The following ENOX1 variants were observed in gnomAD, a reference collection of about 807,000 sequenced individuals.
ENOX1 encodes the protein candidate growth-related and time keeping constitutive hydroquinone (NADH) oxidase.
ENOX1 carries 42 observed loss-of-function variants against 82.5 expected under a neutral mutation model. That is an observed-to-expected ratio of 0.51 (90% confidence interval 0.40 to 0.66). The LOEUF (loss-of-function observed/expected upper bound fraction) is 0.66. Ranked by LOEUF, ENOX1 falls within the 30% of genes least tolerant of loss-of-function variation. The probability of loss-of-function intolerance (pLI) is 0.00; values close to 1 mark genes in which losing one functional copy is unlikely to be tolerated. For missense variants in ENOX1, 608 were observed against 811.6 expected (o/e 0.75, Z 3.05); for synonymous variants, 271 against 282.2 (o/e 0.96, Z 0.40).
At chr13:43,293,346 C>T (rs2046112460) in intron 12 of ENOX1, among the ~76,000 whole-genome samples, 3 of 152,090 alleles carry the variant, frequency 2.0e-5, no homozygotes, top group Admixed American at 2.0e-4. Flanking sequence ...CCATAGTTAC[C>T]TTCACAAGCA....
chr13:43,341,888 C>A (rs996867260), intron 9 of ENOX1, among the ~76,000 whole-genome samples: 1 of 152,224 alleles, frequency 6.6e-6, no homozygotes, highest in Non-Finnish European at 1.5e-5. Flanking sequence ...ATGAAACCTA[C>A]ATGGAAGTTG....
intron 1 of ENOX1, among the ~76,000 whole-genome samples, chr13:43,784,507 C>T (rs556987322): frequency 4.6e-5 from 7 of 152,296 alleles, no homozygotes; most frequent in Admixed American, 3.3e-4. Context: ...TCATGTAATA[C>T]GTTTAATATG....
At position 43,344,542 on chromosome 13, in the gene ENOX1, A is replaced by T; in HGVS notation, c.1032T>A (p.Thr344=). Residue 344 remains threonine (T), a synonymous_variant, in exon 9 of 17, where the codon ACT becomes ACA. Coordinates refer to ENST00000690772, the MANE Select transcript of ENOX1 (RefSeq NM_001347969.2). ...GGCCCCCAAAATTTTACTTACATTG[A>T]GTGAGAATCCCAGTTAAGGCATTTT... ...NFKNALTGIL[T]QFEQIVAVFN... is the part of the protein sequence containing the mutation. 2.5e-6 allele frequency: 4 copies of T among 1,613,324 alleles called. No homozygotes were observed. Among genetic ancestry groups the T allele is most frequent in the Non-Finnish European group, 3.4e-6 (4 of 1,179,506 alleles).
intron 5 of ENOX1, among the ~76,000 whole-genome samples, chr13:43,410,875 T>C (rs900470749): frequency 3.3e-5 from 5 of 152,196 alleles, no homozygotes; most frequent in African/African-American, 1.2e-4. Context: ...ACTGTAACAA[T>C]GACTACTGCA....
chr13:43,301,840 C>T lies in ENOX1; in HGVS notation c.1262-3310G>A, dbSNP rs567196706. On this transcript the variant is annotated intron_variant, in intron 11 of 16. Transcript: ENST00000690772. Reference sequence around the variant, plus strand: ...CCCTGAATCTATTCCTCAGACAAGGCTGCCTGGAAGAGGCTATATTATGTT... The same window carrying T: ...CCCTGAATCTATTCCTCAGACAAGGTTGCCTGGAAGAGGCTATATTATGTT... 2.2e-4 allele frequency among the ~76,000 whole-genome samples: 33 copies of T among 152,192 alleles called. No homozygotes were observed. In the South Asian group the frequency reaches 6.4e-3, roughly 30 times the overall value.
At chr13:43,388,095 C>T (rs1233940026) in intron 5 of ENOX1, among the ~76,000 whole-genome samples, 2 of 152,062 alleles carry the variant, frequency 1.3e-5, no homozygotes, top group East Asian at 3.9e-4. Context: ...TTGGAAAATG[C>T]TAACGTTAGA....
At chr13:43,506,585 C>G (rs112526904) in intron 2 of ENOX1, among the ~76,000 whole-genome samples, 1 of 131,762 alleles carries the variant, frequency 7.6e-6, no homozygotes, top group African/African-American at 2.7e-5. Context: ...TGGAACCAAC[C>G]CAAATGTCCA....
chr13:43,416,121 C>A (rs2054499925), intron 3 of ENOX1, among the ~76,000 whole-genome samples: 1 of 141,874 alleles, frequency 7.0e-6, no homozygotes. Flanking sequence ...CCCCACTTCC[C>A]AGACGGGGTG....
chr13:43,346,741 C>T (rs1346786878), intron 8 of ENOX1, among the ~76,000 whole-genome samples: 1 of 152,214 alleles, frequency 6.6e-6, no homozygotes, highest in Non-Finnish European at 1.5e-5. Context: ...GTGAGAGGCC[C>T]ACTGCAACCG....
intron 5 of ENOX1, among the ~76,000 whole-genome samples, chr13:43,407,077 C>A (rs1051467610): frequency 2.0e-5 from 3 of 152,156 alleles, no homozygotes; most frequent in Admixed American, 6.5e-5. Flanking sequence ...ATGATTATAA[C>A]TTTGGAAAAG....
At chr13:43,393,871 C>T (rs901727158) in intron 5 of ENOX1, among the ~76,000 whole-genome samples, 12 of 152,144 alleles carry the variant, frequency 7.9e-5, no homozygotes, top group African/African-American at 2.9e-4. Flanking sequence ...GTGTTTGGGT[C>T]ATGGGAGTTG....
rs186158815 is a variant in ENOX1, at chr13:43,662,522, T to C, written c.-219+4957A>G. Among the ~76,000 whole-genome samples, 541 of 152,308 alleles carry C rather than the reference T, an allele frequency of 3.6e-3. 4 individuals carry two copies. The highest frequency in any genetic ancestry group is 0.012 in the African/African-American group (484 of 41,568). On this transcript the variant is annotated intron_variant, in intron 2 of 16. Transcript: ENST00000690772. ...GTTTAACTGATTTTCAAACTGCATC[T>C]CTTTTCTGTACATATTTCTGACTTT...
At chr13:43,325,116 T>A (rs80063877) in intron 10 of ENOX1, among the ~76,000 whole-genome samples, 2 of 152,174 alleles carry the variant, frequency 1.3e-5, no homozygotes, top group African/African-American at 4.8e-5. Flanking sequence ...CTTTTTTTTT[T>A]AATCTTGAAA....
At chr13:43,505,923 T>G (rs2077141976) in intron 2 of ENOX1, among the ~76,000 whole-genome samples, 3 of 152,106 alleles carry the variant, frequency 2.0e-5, no homozygotes, top group Non-Finnish European at 4.4e-5. Context: ...TGGATTAATT[T>G]TTGTATAAGG....
At chr13:43,341,426 G>A (rs1233567918) in intron 9 of ENOX1, among the ~76,000 whole-genome samples, 1 of 152,086 alleles carries the variant, frequency 6.6e-6, no homozygotes, top group Non-Finnish European at 1.5e-5. Context: ...CACAGAGTAT[G>A]GGAAAGGGCA....
At position 43,616,204 on chromosome 13, in the gene ENOX1, A is replaced by ATATATATATATATATATATATATTTTT. The variant is rs1457149422; in HGVS notation, c.-219+51274_-219+51275insAAAAATATATATATATATATATATATA. Among the ~76,000 whole-genome samples, 8 of 15,298 alleles carry ATATATATATATATATATATATATTTTT rather than the reference A, an allele frequency of 5.2e-4. 1 individual carries two copies. Among genetic ancestry groups the ATATATATATATATATATATATATTTTT allele is most frequent in the Non-Finnish European group, 1.5e-3 (7 of 4,786 alleles). The allele number at this position is 15,298 out of a possible 152,430, so 10.0% of individuals were successfully genotyped here. ...TATCTATCTATATATATATATATAT[A>ATATATATATATATATATATATATTTTT]TTTTTTTTTTTTTTTTAGGACGGAG... On this transcript the variant is annotated intron_variant, in intron 2 of 16. Transcript: ENST00000690772.
rs770405817 is a variant in ENOX1, at chr13:43,665,715, A to G, written c.-219+1764T>C. Among the ~76,000 whole-genome samples, 16 of 147,844 alleles carry G rather than the reference A, an allele frequency of 1.1e-4. 1 individual carries two copies. The highest frequency in any genetic ancestry group is 2.2e-4 in the Non-Finnish European group (15 of 67,922). Reference sequence around the variant, plus strand: ...ATATTTTATAAAAACCCCATCTGCTACTAATTTTAAAGGAAAACTCTTATC... The same window carrying G: ...ATATTTTATAAAAACCCCATCTGCTGCTAATTTTAAAGGAAAACTCTTATC... On this transcript the variant is annotated intron_variant, in intron 2 of 16. Coordinates refer to ENST00000690772, the MANE Select transcript of ENOX1 (RefSeq NM_001347969.2).
At chr13:43,678,549 G>A (rs2085627473) in intron 1 of ENOX1, among the ~76,000 whole-genome samples, 4 of 152,166 alleles carry the variant, frequency 2.6e-5, no homozygotes, top group Admixed American at 2.0e-4. Context: ...AGAGTTAAAT[G>A]CCACTTCCAT....
chr13:43,315,899 G>C (rs1484274374), intron 11 of ENOX1, among the ~76,000 whole-genome samples: 2 of 152,152 alleles, frequency 1.3e-5, no homozygotes, highest in African/African-American at 4.8e-5. Context: ...ATAATAAACT[G>C]TAATGTAGAT....
Sources: gnomAD v4.1 joint callset for allele counts (sites outside exome capture counted in the v4.1 genomes callset) on GRCh38, gnomAD v4.1.1 for gene constraint, MANE v1.5 for transcripts, NCBI Gene and HGNC (gene_info 2026-07-23, HGNC 2026-07-21) for gene names.